VDAC1: variants seen among roughly 807,000 people sequenced by gnomAD.
VDAC1 encodes non-selective voltage-gated ion channel VDAC1.
VDAC1 carries 10 observed loss-of-function variants against 34.7 expected under a neutral mutation model. The observed-to-expected ratio is 0.29, with a 90% CI of 0.18 to 0.49. VDAC1 has a LOEUF of 0.49. Among genes scored for constraint, VDAC1 ranks in the 20% least tolerant of loss-of-function variants. The pLI is 0.99. For missense variants in VDAC1, 230 were observed against 347.9 expected (o/e 0.66, Z 2.69); for synonymous variants, 130 against 136.0 (o/e 0.96, Z 0.30).
chr5:134,092,912 G>A, the VDAC1 span, among the ~76,000 whole-genome samples: 44 of 152,212 alleles, frequency 2.9e-4, no homozygotes, highest in African/African-American at 1.0e-3. Flanking sequence ...GAGACCAGCG[G>A]AGCTGCTAGA....
chr5:134,039,133 T>C, the VDAC1 span, among the ~76,000 whole-genome samples: 1 of 152,096 alleles, frequency 6.6e-6, no homozygotes, highest in Admixed American at 6.6e-5. Context: ...TTGTAATTTC[T>C]CCTCCCCACC....
the VDAC1 span, among the ~76,000 whole-genome samples, chr5:134,077,141 G>A: frequency 6.6e-6 from 1 of 152,028 alleles, no homozygotes; most frequent in Non-Finnish European, 1.5e-5. Flanking sequence ...GCCAGGCGTG[G>A]TGGCGTGCAC....
At chr5:134,060,311 A>G in the VDAC1 span, among the ~76,000 whole-genome samples, 12 of 151,934 alleles carry the variant, frequency 7.9e-5, no homozygotes, top group Non-Finnish European at 1.3e-4. Flanking sequence ...CACCCGTCCA[A>G]TGCAGGTGTC....
chr5:133,992,410 T>C, intron 2 of VDAC1, 55 bp from the exon 3 acceptor site: 1 of 1,408,656 alleles, frequency 7.1e-7, no homozygotes, highest in Non-Finnish European at 9.7e-7. Flanking sequence ...GAACAGCACC[T>C]CTGCCTCCCT....
At chr5:134,073,045 C>T in the VDAC1 span, among the ~76,000 whole-genome samples, 1 of 152,166 alleles carries the variant, frequency 6.6e-6, no homozygotes, top group Non-Finnish European at 1.5e-5. Flanking sequence ...GTCCTGCAGG[C>T]TATGTCAAGA....
chr5:134,095,325 T>A, the VDAC1 span, among the ~76,000 whole-genome samples: 2 of 151,548 alleles, frequency 1.3e-5, no homozygotes, highest in Admixed American at 6.6e-5. Flanking sequence ...CTACAAAAAA[T>A]TTTTAAAATT....
At chr5:133,985,202 C>G (rs903550118) in intron 5 of VDAC1, among the ~76,000 whole-genome samples, 1 of 152,208 alleles carries the variant, frequency 6.6e-6, no homozygotes, top group Non-Finnish European at 1.5e-5. Flanking sequence ...TTTGGCTGCT[C>G]AGCTCCCTCA....
At chr5:134,070,437 C>A in the VDAC1 span, among the ~76,000 whole-genome samples, 2 of 152,226 alleles carry the variant, frequency 1.3e-5, no homozygotes, top group African/African-American at 2.4e-5. Context: ...TGAGCCACCA[C>A]GCCTGGCTGA....
chr5:134,075,677 G>C, the VDAC1 span, among the ~76,000 whole-genome samples: 1 of 152,076 alleles, frequency 6.6e-6, no homozygotes, highest in Non-Finnish European at 1.5e-5. Flanking sequence ...TCCACCTCCC[G>C]GGTTCAAGTG....
At chr5:134,072,650 C>A in the VDAC1 span, among the ~76,000 whole-genome samples, 1 of 152,192 alleles carries the variant, frequency 6.6e-6, no homozygotes, top group Admixed American at 6.5e-5. Flanking sequence ...GGACCATCCT[C>A]AGGTGCAGAA....
At chr5:134,088,713 G>A in the VDAC1 span, among the ~76,000 whole-genome samples, 7 of 152,240 alleles carry the variant, frequency 4.6e-5, no homozygotes, top group African/African-American at 1.7e-4. Context: ...AATAGAGCAT[G>A]GCCTGTCCCC....
chr5:134,104,335 C>T, the VDAC1 span, among the ~76,000 whole-genome samples: 23 of 152,330 alleles, frequency 1.5e-4, no homozygotes, highest in African/African-American at 5.0e-4. Context: ...GGGGTGCTGG[C>T]GGCTGCCCAC....
the VDAC1 span, among the ~76,000 whole-genome samples, chr5:134,050,476 T>G: frequency 6.6e-6 from 1 of 152,096 alleles, no homozygotes; most frequent in Non-Finnish European, 1.5e-5. Flanking sequence ...CCCCAGCAAC[T>G]GTTTCCTCTG....
At chr5:134,036,005 C>CAAA in the VDAC1 span, among the ~76,000 whole-genome samples, 7 of 92,782 alleles carry the variant, frequency 7.5e-5, no homozygotes, top group South Asian at 3.6e-4. Flanking sequence ...GACTCCATCT[C>CAAA]AAAAAAAAAA....
chr5:134,095,866 C>T, the VDAC1 span, among the ~76,000 whole-genome samples: 1 of 152,312 alleles, frequency 6.6e-6, no homozygotes, highest in Non-Finnish European at 1.5e-5. Flanking sequence ...CTGTACTGGA[C>T]AACACAGAGA....
chr5:133,981,801 T>C (rs935897839), intron 5 of VDAC1, among the ~76,000 whole-genome samples: 1 of 152,214 alleles, frequency 6.6e-6, no homozygotes, highest in African/African-American at 2.4e-5. Context: ...TTTATCTGAT[T>C]GTCTCTATCA....
At chr5:134,054,749 C>T in the VDAC1 span, among the ~76,000 whole-genome samples, 1 of 152,190 alleles carries the variant, frequency 6.6e-6, no homozygotes, top group Non-Finnish European at 1.5e-5. Flanking sequence ...GTGTGAGCCA[C>T]CTCGCCCAAC....
the VDAC1 span, among the ~76,000 whole-genome samples, chr5:134,026,781 G>A: frequency 2.6e-5 from 4 of 152,130 alleles, no homozygotes; most frequent in African/African-American, 4.8e-5. Context: ...CTCCAAGCCC[G>A]TCACCCCAAG....
the VDAC1 span, among the ~76,000 whole-genome samples, chr5:134,041,262 G>A: frequency 6.6e-6 from 1 of 152,158 alleles, no homozygotes; most frequent in East Asian, 1.9e-4. Context: ...TCTTTCTTTG[G>A]GGGATGTCAG....
Sources: gnomAD v4.1 joint callset for allele counts (sites outside exome capture counted in the v4.1 genomes callset) on GRCh38, gnomAD v4.1.1 for gene constraint, MANE v1.5 for transcripts, NCBI Gene and HGNC (gene_info 2026-07-23, HGNC 2026-07-21) for gene names.